SPATA16: variants seen among roughly 807,000 people sequenced by gnomAD.
SPATA16 encodes spermatogenesis-associated protein 16.
A neutral mutation model predicts 63.3 loss-of-function variants in SPATA16; 36 were observed. The observed-to-expected ratio is 0.57, with a 90% confidence interval of 0.44 to 0.75. SPATA16 has a LOEUF of 0.75. SPATA16 is among the 30% of genes least tolerant of loss of function. The probability of loss-of-function intolerance (pLI) is 0.00; values close to 1 mark genes in which losing one functional copy is unlikely to be tolerated. For synonymous variants in SPATA16, 203 were observed against 216.7 expected (o/e 0.94, Z 0.56); for missense variants, 646 against 679.3 (o/e 0.95, Z 0.54).
chr3:173,136,908 T>A (rs1738560073), intron 1 of SPATA16, among the ~76,000 whole-genome samples: 1 of 152,098 alleles, frequency 6.6e-6, no homozygotes, highest in Non-Finnish European at 1.5e-5. Flanking sequence ...ACGAATAAGC[T>A]TTCCCTGTCC....
At chr3:172,908,480 A>G (rs10513706) in intron 10 of SPATA16, among the ~76,000 whole-genome samples, 19,851 of 152,206 alleles carry the variant, frequency 0.13, 1,845 homozygotes, top group African/African-American at 0.26. Context: ...TGGTGAATCA[A>G]GAGAAAATAC....
At chr3:172,951,563 G>A (rs1733434013) in intron 6 of SPATA16, among the ~76,000 whole-genome samples, 1 of 152,016 alleles carries the variant, frequency 6.6e-6, no homozygotes, top group African/African-American at 2.4e-5. Flanking sequence ...TCCCCCTTGT[G>A]TCTGTTTTTC....
At chr3:173,078,542 A>G (rs532699229) in intron 2 of SPATA16, among the ~76,000 whole-genome samples, 18 of 152,324 alleles carry the variant, frequency 1.2e-4, no homozygotes, top group African/African-American at 4.3e-4. Flanking sequence ...TTGCTGCCAC[A>G]TCATATTGTG....
intron 1 of SPATA16, among the ~76,000 whole-genome samples, chr3:173,132,797 A>C (rs916723520): frequency 3.9e-5 from 6 of 152,326 alleles, no homozygotes; most frequent in Non-Finnish European, 8.8e-5. Context: ...GAGAAATAAA[A>C]GGGATCAAAT....
At chr3:172,980,023 T>C (rs970206714) in intron 4 of SPATA16, among the ~76,000 whole-genome samples, 4 of 152,234 alleles carry the variant, frequency 2.6e-5, no homozygotes, top group African/African-American at 7.2e-5. Context: ...CCAGTGGAAA[T>C]GGCAGCTGTG....
In SPATA16 at chr3:173,019,454, A is replaced by G. The variant is rs778628264; in HGVS notation, c.848+32T>C. Reference sequence around the variant, plus strand: ...GAGAATAAAATTAATTTGACTTGATATAAATCCTCACAAAAGTTAAAACAA... The same window carrying G: ...GAGAATAAAATTAATTTGACTTGATGTAAATCCTCACAAAAGTTAAAACAA... On this transcript the variant is annotated intron_variant, in intron 4 of 10. Transcript: ENST00000351008. 2.6e-6 allele frequency: 4 copies of G among 1,561,460 alleles called. No individual in the cohort carries two copies. The East Asian group carries it at 9.0e-5, about 35-fold the overall frequency.
At chr3:173,136,811 T>C (rs1306778119) in intron 1 of SPATA16, among the ~76,000 whole-genome samples, 1 of 151,774 alleles carries the variant, frequency 6.6e-6, no homozygotes, top group East Asian at 1.9e-4. Flanking sequence ...TAGGAGAAGG[T>C]GGGAAGAAGA....
In SPATA16 at chr3:173,049,674, G is replaced by C. The variant is rs1577148400; in HGVS notation, c.613-580C>G. ...AAAGAAAAGAAGTGAAAATTTATTA[G>C]AATTTATTGGCAGAGGACACAGTAT... On this transcript the variant is annotated intron_variant, in intron 2 of 10. Coordinates refer to ENST00000351008, the MANE Select transcript of SPATA16 (RefSeq NM_031955.6). Among the ~76,000 whole-genome samples, 4 of 152,116 alleles carry C rather than the reference G, an allele frequency of 2.6e-5. No homozygotes were observed. In the South Asian group the frequency reaches 8.3e-4, roughly 32 times the overall value.
In SPATA16 at chr3:173,001,269, T is replaced by TTTTTTTTTTTG. The variant is rs1491161202; in HGVS notation, c.848+18216_848+18217insCAAAAAAAAAA. Among the ~76,000 whole-genome samples, 22 of 119,266 alleles carry TTTTTTTTTTTG rather than the reference T, an allele frequency of 1.8e-4. 2 individuals carry two copies. Among genetic ancestry groups the TTTTTTTTTTTG allele is most frequent in the Admixed American group, 3.9e-4 (5 of 12,958 alleles). The allele number at this position is 119,266 out of a possible 152,430, so 78.2% of individuals were successfully genotyped here. ...GAACTTGACCAATGCTTCTCAGTTG[T>TTTTTTTTTTTG]TTTTTTTTTTTTGTTTTCACCCTTA... On this transcript the variant is annotated intron_variant, in intron 4 of 10. Coordinates refer to ENST00000351008, the MANE Select transcript of SPATA16 (RefSeq NM_031955.6).
chr3:173,082,577 C>T (rs1736950392), intron 2 of SPATA16, among the ~76,000 whole-genome samples: 1 of 152,192 alleles, frequency 6.6e-6, no homozygotes, highest in South Asian at 2.1e-4. Context: ...GAGGGTGGAC[C>T]TCTTCTGCCT....
At chr3:172,969,486 TG>T (rs1016709426) in intron 5 of SPATA16, among the ~76,000 whole-genome samples, 6 of 152,166 alleles carry the variant, frequency 3.9e-5, no homozygotes, top group Admixed American at 3.3e-4. Context: ...CAGAATCACC[TG>T]GTTGAAGGGG....
At chr3:172,890,659 G>C (rs962574860) in intron 10 of SPATA16, among the ~76,000 whole-genome samples, 2 of 151,214 alleles carry the variant, frequency 1.3e-5, no homozygotes, top group African/African-American at 4.9e-5. Context: ...GGATAATTCA[G>C]ATTGTCAAAA....
chr3:172,984,225 A>C (rs1009529726), intron 4 of SPATA16, among the ~76,000 whole-genome samples: 25 of 152,174 alleles, frequency 1.6e-4, no homozygotes, highest in Non-Finnish European at 3.1e-4. Flanking sequence ...ATGGCACAGG[A>C]TATCTTCATC....
intron 3 of SPATA16, among the ~76,000 whole-genome samples, chr3:173,034,607 A>C (rs901787161): frequency 6.6e-6 from 1 of 152,096 alleles, no homozygotes; most frequent in African/African-American, 2.4e-5. Flanking sequence ...AGGACTTCTA[A>C]ATATTGTCTC....
intron 2 of SPATA16, among the ~76,000 whole-genome samples, chr3:173,102,647 C>A (rs751136054): frequency 6.6e-6 from 1 of 152,314 alleles, no homozygotes; most frequent in East Asian, 1.9e-4. Flanking sequence ...ACACCTCCCC[C>A]CAGGCCCCAC....
chr3:173,028,801 C>A (rs1418483227), intron 3 of SPATA16, among the ~76,000 whole-genome samples: 1 of 151,990 alleles, frequency 6.6e-6, no homozygotes, highest in Non-Finnish European at 1.5e-5. Flanking sequence ...TGTGCCTTCA[C>A]CATATAGTCC....
chr3:173,097,229 T>A (rs751360357), intron 2 of SPATA16, among the ~76,000 whole-genome samples: 23 of 152,148 alleles, frequency 1.5e-4, no homozygotes, highest in Non-Finnish European at 2.2e-4. Context: ...AGATTGACTG[T>A]CCAGGCATAC....
chr3:172,976,901 C>T (rs1196892425), intron 5 of SPATA16, 67 bp downstream of exon 5: 3 of 1,299,282 alleles, frequency 2.3e-6, no homozygotes, highest in Non-Finnish European at 3.3e-6. Context: ...TTTTAAGCAC[C>T]AATCTTTCAT....
chr3:172,970,923 A>G (rs1734033548), intron 5 of SPATA16, among the ~76,000 whole-genome samples: 1 of 152,188 alleles, frequency 6.6e-6, no homozygotes, highest in Non-Finnish European at 1.5e-5. Context: ...TTATCAGGTA[A>G]TGAGTAATAT....
Sources: gnomAD v4.1 joint callset for allele counts (sites outside exome capture counted in the v4.1 genomes callset) on GRCh38, gnomAD v4.1.1 for gene constraint, MANE v1.5 for transcripts, NCBI Gene and HGNC (gene_info 2026-07-23, HGNC 2026-07-21) for gene names.